Variants in PIK3C3 observed in about 807,000 individuals in gnomAD.
PIK3C3 encodes PI3-kinase type 3.
A neutral mutation model predicts 126.1 loss-of-function variants in PIK3C3; 95 were observed. The observed-to-expected ratio is 0.75, with a 90% CI of 0.64 to 0.89. The LOEUF is 0.89. PIK3C3 is among the 40% of genes least tolerant of loss of function. The pLI, the probability that PIK3C3 is intolerant of heterozygous loss-of-function variation, is 0.00. For missense variants in PIK3C3, 829 were observed against 1,063.2 expected (o/e 0.78, Z 3.06); for synonymous variants, 374 against 360.0 (o/e 1.04, Z -0.44).
At chr18:42,020,474 T>A (rs1189228260) in intron 12 of PIK3C3, among the ~76,000 whole-genome samples, 164 bp from the exon 13 acceptor site, 2 of 152,172 alleles carry the variant, frequency 1.3e-5, no homozygotes, top group East Asian at 3.8e-4. Context: ...TTTTCTGATT[T>A]AAAATATGTT....
At chr18:42,049,273 G>A (rs1391773012) in intron 20 of PIK3C3, 1 of 302,588 alleles carries the variant, frequency 3.3e-6, no homozygotes, top group Non-Finnish European at 6.1e-6. Flanking sequence ...ATAATTTAAG[G>A]TCTCCTGAAC....
intron 1 of PIK3C3, among the ~76,000 whole-genome samples, chr18:41,956,753 G>GC (rs1979797671): frequency 6.6e-6 from 1 of 152,032 alleles, no homozygotes; most frequent in Admixed American, 6.5e-5. Context: ...AAGAATATTG[G>GC]CTTTGGCCTC....
At chr18:42,064,550 T>C (rs775852957) in intron 22 of PIK3C3, 190 bp from the exon 23 acceptor site, 8 of 529,832 alleles carry the variant, frequency 1.5e-5, no homozygotes, top group Non-Finnish European at 2.7e-5. Context: ...AATGGTGTTA[T>C]ACGAAGACCC....
chr18:42,085,272 T>C lies in PIK3C3; in HGVS notation c.*4135T>C, dbSNP rs1048764608. On this transcript the variant is annotated 3_prime_UTR_variant, in exon 25 of 25. Transcript: ENST00000262039. ...ATCTACCCTGAGGGTAGATAACCCA[T>C]ATTCCAAAATACAGTATTATTTTCA... 7.2e-5 allele frequency: 11 copies of C among 152,188 alleles called. No individual in the cohort carries two copies. Among genetic ancestry groups the C allele is most frequent in the African/African-American group, 2.4e-4 (10 of 41,454 alleles). The allele number at this position is 152,188 out of a possible 1,614,324, so 9.4% of individuals were successfully genotyped here. A position where few individuals can be genotyped will look rare whatever the true frequency, so the allele number is the denominator to read the frequency against.
rs1237217222 is a variant in PIK3C3 at position 41,955,333 on chromosome 18, C to T, written c.42C>T (p.Asp14=). ...AGTTTCACTACATCTATAGTTGTGACCTGGATATCAACGTCCAGCTTAAGA... is the reference window on the plus strand; with the variant it reads ...AGTTTCACTACATCTATAGTTGTGATCTGGATATCAACGTCCAGCTTAAGA... ...AEKFHYIYSC[D]LDINVQLKIG... Residue 14 remains aspartate (D), a synonymous_variant, in exon 1 of 25, where the codon GAC becomes GAT. Coordinates refer to ENST00000262039, the MANE Select transcript of PIK3C3 (RefSeq NM_002647.4). The T allele has an allele frequency of 2.5e-6, 4 of 1,613,366 alleles. No homozygotes were observed. Among genetic ancestry groups the T allele is most frequent in the Middle Eastern group, 1.7e-4 (1 of 6,044 alleles).
intron 24 of PIK3C3, among the ~76,000 whole-genome samples, chr18:42,068,361 ACT>A (rs1389923501): frequency 6.6e-6 from 1 of 152,004 alleles, no homozygotes; most frequent in Admixed American, 6.6e-5. Flanking sequence ...GTTGTGTAAT[ACT>A]CTCTTTCTCT....
chr18:41,963,807 C>T (rs1253965296), intron 3 of PIK3C3, among the ~76,000 whole-genome samples: 1 of 149,024 alleles, frequency 6.7e-6, no homozygotes, highest in East Asian at 2.0e-4. Context: ...ATATAATTCA[C>T]ATATCATAAA....
chr18:41,957,088 C>G (rs1173889762), intron 1 of PIK3C3, among the ~76,000 whole-genome samples: 1 of 152,084 alleles, frequency 6.6e-6, no homozygotes, highest in Non-Finnish European at 1.5e-5. Flanking sequence ...AAATTTTTTT[C>G]CCCAGAAGCA....
chr18:41,984,112 A>G (rs1981347743), intron 4 of PIK3C3, among the ~76,000 whole-genome samples: 1 of 151,694 alleles, frequency 6.6e-6, no homozygotes. Flanking sequence ...CCTAGTGAGG[A>G]TTATTTCTTC....
At position 41,987,882 on chromosome 18, in the gene PIK3C3, T is replaced by C; in HGVS notation, c.602T>C (p.Ile201Thr). ...CTGGATAGATTGACATTTAGAGAAA[T>C]AGAAATGATAAATGAGGTGGGTTAT... ...DWLDRLTFRE[I>T]EMINESEKRS... The change falls in exon 5 of 25, where the codon ATA (isoleucine) becomes ACA (threonine). Residue 201 changes from isoleucine (I) to threonine (T), a missense_variant. Ile to Thr is a moderately conservative substitution (Grantham distance 89). Coordinates refer to ENST00000262039, the MANE Select transcript of PIK3C3 (RefSeq NM_002647.4). 6.3e-7 allele frequency: 1 copy of C among 1,586,542 alleles called. No individual in the cohort carries two copies. The highest frequency in any genetic ancestry group is 2.3e-5 in the East Asian group (1 of 44,178).
Position 42,078,315 on chromosome 18 carries a change from T to G in PIK3C3, c.2650-2808T>G, listed in dbSNP as rs932227715. ...TGGCGTGAACCCGGGAAGCGGAGCTTGCAGTGAGCCGAGATTGCGCCACTG... is the reference window on the plus strand; with the variant it reads ...TGGCGTGAACCCGGGAAGCGGAGCTGGCAGTGAGCCGAGATTGCGCCACTG... On this transcript the variant is annotated intron_variant, in intron 24 of 24. Transcript: ENST00000262039. 2.1e-5 allele frequency among the ~76,000 whole-genome samples: 3 copies of G among 142,678 alleles called. No homozygotes were observed. The Admixed American group carries it at 2.3e-4, about 11-fold the overall frequency. 93.6% of individuals were successfully genotyped at this position (142,678 alleles called of 152,430 possible).
chr18:42,049,691 C>T (rs917255560), intron 21 of PIK3C3, 86 bp downstream of exon 21: 59 of 1,085,996 alleles, frequency 5.4e-5, no homozygotes, highest in Non-Finnish European at 7.6e-5. Flanking sequence ...AGATAAGTTG[C>T]GGCCTGGCGC....
At chr18:41,980,760 T>A (rs1447318968) in intron 4 of PIK3C3, among the ~76,000 whole-genome samples, 1 of 152,160 alleles carries the variant, frequency 6.6e-6, no homozygotes, top group African/African-American at 2.4e-5. Context: ...CCCTTATTTA[T>A]TTAATCACTA....
rs758347826 is a variant in PIK3C3, at chr18:42,040,350, AT to A, written c.2039-326del. 6.6e-5 allele frequency among the ~76,000 whole-genome samples: 10 copies of A among 152,156 alleles called. No homozygotes were observed. The East Asian group carries it at 1.7e-3, about 26-fold the overall frequency. On this transcript the variant is annotated intron_variant, in intron 18 of 24. Coordinates refer to ENST00000262039, the MANE Select transcript of PIK3C3 (RefSeq NM_002647.4). The stretch of plus-strand genomic sequence containing the variant: ...TTAAATTTGGAATATTTTAATTGGT[AT>A]ATGTTGTAAATCTATAGAAAGAAGA...
chr18:41,977,459 T>C (rs1159912878), intron 4 of PIK3C3, among the ~76,000 whole-genome samples: 1 of 152,104 alleles, frequency 6.6e-6, no homozygotes, highest in Non-Finnish European at 1.5e-5. Context: ...GCGGAAACGT[T>C]TTAGAGCCAT....
intron 9 of PIK3C3, among the ~76,000 whole-genome samples, chr18:42,002,857 G>A (rs1333206396): frequency 2.0e-5 from 3 of 152,304 alleles, no homozygotes; most frequent in Non-Finnish European, 1.5e-5. Context: ...ACAAATATAG[G>A]AGATATTGCT....
chr18:42,026,218 C>T (rs1269272145), intron 13 of PIK3C3: 3 of 152,156 alleles, frequency 2.0e-5, no homozygotes, highest in Admixed American at 6.5e-5. Context: ...GACACAGCCC[C>T]TCTAAGTTTC....
chr18:42,010,774 G>T (rs1042040005), intron 10 of PIK3C3, among the ~76,000 whole-genome samples: 1 of 152,170 alleles, frequency 6.6e-6, no homozygotes, highest in Non-Finnish European at 1.5e-5. Context: ...CTAGAATGAT[G>T]AATCCTTTCC....
rs185873590 is a variant in PIK3C3, at chr18:42,019,027, C to T, written c.1417-1611C>T. ...CATTTCCACTCTGTTCTTCATGCCC[C>T]GCCTCCCAATCTCTAGATGACAATT... On this transcript the variant is annotated intron_variant, in intron 12 of 24. Transcript: ENST00000262039. 5.3e-5 allele frequency among the ~76,000 whole-genome samples: 8 copies of T among 152,142 alleles called. No homozygotes were observed. The East Asian group carries it at 9.6e-4, about 18-fold the overall frequency.
Sources: gnomAD v4.1 joint callset for allele counts (sites outside exome capture counted in the v4.1 genomes callset) on GRCh38, gnomAD v4.1.1 for gene constraint, MANE v1.5 for transcripts, NCBI Gene and HGNC (gene_info 2026-07-23, HGNC 2026-07-21) for gene names.